The following PCDHGB5 variants were observed in gnomAD, a reference collection of about 807,000 sequenced individuals.
PCDHGB5 encodes protocadherin gamma subfamily B, 5.
A neutral mutation model predicts 62.9 loss-of-function variants in PCDHGB5; 48 were observed. The observed-to-expected ratio is 0.76, with a 90% CI of 0.61 to 0.97. The LOEUF (loss-of-function observed/expected upper bound fraction) is 0.97. Among genes scored for constraint, PCDHGB5 ranks in the 50% least tolerant of loss-of-function variants. The probability of loss-of-function intolerance (pLI) is 0.00; values close to 1 mark genes in which losing one functional copy is unlikely to be tolerated. For missense variants in PCDHGB5, 1,118 were observed against 1,198.6 expected (o/e 0.93, Z 0.99); for synonymous variants, 474 against 511.2 (o/e 0.93, Z 0.98).
rs567684479 is a variant in PCDHGB5 at position 141,432,875 on chromosome 5, G to T, written c.2397+32351G>T. The T allele has an allele frequency of 6.2e-7, 1 of 1,614,178 alleles. No individual in the cohort carries two copies. Among genetic ancestry groups the T allele is most frequent in the South Asian group, 1.1e-5 (1 of 91,084 alleles). ...GGCCGCGGTCTCCTGCGTCTTCCTG[G>T]CCTTCGTCATCTTGCTGCTGGCGCT... On this transcript the variant is annotated intron_variant, in intron 1 of 3. Coordinates refer to ENST00000617380, the MANE Select transcript of PCDHGB5 (RefSeq NM_018925.3). This position sits in a 1 kb window ranked among gnomAD's most constrained non-coding sequence, Gnocchi z 6.0.
chr5:141,489,077 C>G lies in PCDHGB5; in HGVS notation c.2398-5730C>G, dbSNP rs957205894. On this transcript the variant is annotated intron_variant, in intron 1 of 3. Coordinates refer to ENST00000617380, the MANE Select transcript of PCDHGB5 (RefSeq NM_018925.3). The surrounding 1 kb of genome is among the most constrained non-coding windows in gnomAD (Gnocchi z 4.5). The stretch of plus-strand genomic sequence containing the variant: ...AGCTCCCCTCCCCCCTGCCCACCCC[C>G]GCCACTCGGTGACTAAGAACTGCTG... 7 of 325,684 alleles carry G rather than the reference C, an allele frequency of 2.1e-5. No homozygotes were observed. Among genetic ancestry groups the G allele is most frequent in the Non-Finnish European group, 3.9e-5 (7 of 181,468 alleles). The allele number at this position is 325,684 out of a possible 1,614,324, so 20.2% of individuals were successfully genotyped here.
rs969397099 is a variant in PCDHGB5, at chr5:141,477,807, C to T, written c.2398-17000C>T. 6.2e-6 allele frequency: 10 copies of T among 1,613,932 alleles called. No homozygotes were observed. Among genetic ancestry groups the T allele is most frequent in the African/African-American group, 1.3e-5 (1 of 74,922 alleles). ...TTTGTCACTGATCGCAATGACAATG[C>T]CCCCCAGGTCCTATATCCTCGGCCA... is the stretch of plus-strand genomic sequence containing the variant. On this transcript the variant is annotated intron_variant, in intron 1 of 3. Transcript: ENST00000617380. The surrounding 1 kb of genome is among the most constrained non-coding windows in gnomAD (Gnocchi z 4.9).
intron 1 of PCDHGB5, among the ~76,000 whole-genome samples, chr5:141,471,706 A>G (rs2099262749): frequency 6.6e-6 from 1 of 152,212 alleles, no homozygotes; most frequent in African/African-American, 2.4e-5. Context: ...CTGGAATAGA[A>G]GTGCCACTTA....
intron 1 of PCDHGB5, chr5:141,422,608 T>A: frequency 5.0e-6 from 8 of 1,613,956 alleles, no homozygotes; most frequent in Non-Finnish European, 5.1e-6. Context: ...TTACTCTGCC[T>A]ACATTCCCGA....
chr5:141,451,134 T>A (rs567790185), intron 1 of PCDHGB5, among the ~76,000 whole-genome samples: 1 of 152,254 alleles, frequency 6.6e-6, no homozygotes, highest in South Asian at 2.1e-4. Context: ...AGCCTTATGA[T>A]TGTATTTAGA....
intron 1 of PCDHGB5, among the ~76,000 whole-genome samples, chr5:141,470,600 G>A (rs890975756): frequency 4.6e-5 from 7 of 152,142 alleles, no homozygotes; most frequent in South Asian, 2.1e-4. Context: ...CGACCTGTGC[G>A]GGGACACAGG....
chr5:141,415,163 C>A, intron 1 of PCDHGB5: 1 of 1,613,856 alleles, frequency 6.2e-7, no homozygotes. Flanking sequence ...GCCACTGTCA[C>A]GCTCACCGTG....
At chr5:141,421,827 C>A in intron 1 of PCDHGB5, 1 of 1,613,802 alleles carries the variant, frequency 6.2e-7, no homozygotes, top group Non-Finnish European at 8.5e-7. Flanking sequence ...TGGAGGGAAG[C>A]CTGGACCGAG....
intron 1 of PCDHGB5, chr5:141,419,158 C>T (rs757849297): frequency 5.0e-6 from 8 of 1,613,950 alleles, no homozygotes; most frequent in Admixed American, 1.7e-5. Context: ...CTCCGTTATC[C>T]TCCAGCAAAA....
chr5:141,476,798 C>T lies in PCDHGB5; in HGVS notation c.2398-18009C>T. 3.1e-6 allele frequency: 5 copies of T among 1,613,660 alleles called. No homozygotes were observed. The highest frequency in any genetic ancestry group is 4.2e-6 in the Non-Finnish European group (5 of 1,180,028). ...AGGGACCCCAGCTCTCTCCGCCAGC[C>T]TGCCTATTCACATCAAGGTGCTGGA... On this transcript the variant is annotated intron_variant, in intron 1 of 3. Coordinates refer to ENST00000617380, the MANE Select transcript of PCDHGB5 (RefSeq NM_018925.3). This position sits in a 1 kb window ranked among gnomAD's most constrained non-coding sequence, Gnocchi z 7.6.
At chr5:141,419,620 G>C in intron 1 of PCDHGB5, 1 of 1,612,304 alleles carries the variant, frequency 6.2e-7, no homozygotes, top group Non-Finnish European at 8.5e-7. Context: ...CAGGCTACCT[G>C]GTGACCAAGG....
rs2099183566 is a variant in PCDHGB5, at chr5:141,468,861, A to G, written c.2398-25946A>G. 3.9e-5 allele frequency among the ~76,000 whole-genome samples: 6 copies of G among 152,168 alleles called. No homozygotes were observed. In the South Asian group the frequency reaches 1.2e-3, roughly 32 times the overall value. On this transcript the variant is annotated intron_variant, in intron 1 of 3. Coordinates refer to ENST00000617380, the MANE Select transcript of PCDHGB5 (RefSeq NM_018925.3). ...AGCCTGGGCAACAGAGCGAGACTCCATCTCAAAAATAATAATAATAATAAT... is the reference window on the plus strand; with the variant it reads ...AGCCTGGGCAACAGAGCGAGACTCCGTCTCAAAAATAATAATAATAATAAT...
intron 1 of PCDHGB5, among the ~76,000 whole-genome samples, chr5:141,439,449 G>A (rs761506247): frequency 4.6e-5 from 7 of 152,184 alleles, no homozygotes; most frequent in Admixed American, 3.9e-4. Context: ...TATTGCGGGA[G>A]CAAGACTGCA....
chr5:141,430,110 C>T (rs919470038), intron 1 of PCDHGB5, among the ~76,000 whole-genome samples: 1 of 152,060 alleles, frequency 6.6e-6, no homozygotes, highest in Admixed American at 6.5e-5. Flanking sequence ...CGTTACATGT[C>T]AACAACCTGG....
chr5:141,469,500 G>A (rs1471801110), intron 1 of PCDHGB5, among the ~76,000 whole-genome samples: 4 of 151,914 alleles, frequency 2.6e-5, no homozygotes, highest in South Asian at 2.1e-4. Flanking sequence ...GCTTGAACCC[G>A]GGAGGTGGAG....
intron 1 of PCDHGB5, chr5:141,475,885 A>G (rs1593590954): frequency 1.8e-6 from 1 of 556,524 alleles, no homozygotes. Flanking sequence ...ATTGGCTGGG[A>G]CTCTGTGTGC....
intron 1 of PCDHGB5, among the ~76,000 whole-genome samples, chr5:141,473,466 G>A (rs1217251844): frequency 1.3e-5 from 2 of 151,738 alleles, no homozygotes; most frequent in East Asian, 1.9e-4. Flanking sequence ...TTAAAGTTGT[G>A]CCAAGTTCAA....
intron 1 of PCDHGB5, chr5:141,405,074 G>T (rs536930748): frequency 2.5e-6 from 4 of 1,613,794 alleles, no homozygotes; most frequent in Non-Finnish European, 3.4e-6. Context: ...CCTCACCTTC[G>T]TTATCACGCT....
chr5:141,404,764 C>T (rs371618979), intron 1 of PCDHGB5: 1 of 1,613,802 alleles, frequency 6.2e-7, no homozygotes, highest in Non-Finnish European at 8.5e-7. Context: ...ATGCTTGGCT[C>T]TCCTACCGCC....
Sources: allele counts gnomAD v4.1 joint callset (sites outside exome capture counted in the v4.1 genomes callset), GRCh38; gene constraint gnomAD v4.1.1; non-coding constraint Gnocchi (gnomAD v3.1); transcripts MANE v1.5; gene names NCBI Gene and HGNC (gene_info 2026-07-23, HGNC 2026-07-21).